FOXJ3: variants seen among roughly 807,000 people sequenced by gnomAD.
FOXJ3 encodes forkhead box J3, also known as forkhead box protein J3.
FOXJ3 carries 22 observed loss-of-function variants against 76.1 expected under a neutral mutation model. That is an observed-to-expected ratio of 0.29 (90% CI 0.21 to 0.41). FOXJ3 has a LOEUF of 0.41. Among genes scored for constraint, FOXJ3 ranks in the 10% least tolerant of loss-of-function variants. FOXJ3 has a pLI of 1.00. For synonymous variants in FOXJ3, 269 were observed against 261.2 expected (o/e 1.03, Z -0.29); for missense variants, 613 against 762.1 (o/e 0.80, Z 2.30).
rs139159704 is a variant in FOXJ3 at position 42,280,550 on chromosome 1, ATAATT to A, written c.45-1883_45-1879del. 8.6e-3 allele frequency: 4,029 copies of A among 468,922 alleles called. 148 individuals carry two copies. The highest frequency in any genetic ancestry group is 0.081 in the African/African-American group (3,767 of 46,788). 29.0% of individuals were successfully genotyped at this position (468,922 alleles called of 1,614,324 possible). A position where few individuals can be genotyped will look rare whatever the true frequency, so the allele number is the denominator to read the frequency against. ...GGGACTTGTAGAATAAGAAGATAGG[ATAATT>A]TAGAGATCACACAATGTCAAAACAG... On this transcript the variant is annotated intron_variant, in intron 2 of 12. Coordinates refer to ENST00000361346, the MANE Select transcript of FOXJ3 (RefSeq NM_014947.5).
intron 4 of FOXJ3, among the ~76,000 whole-genome samples, chr1:42,241,829 C>G (rs1009250796): frequency 6.6e-6 from 1 of 152,192 alleles, no homozygotes; most frequent in Non-Finnish European, 1.5e-5. Flanking sequence ...CAATTGGACC[C>G]ACTAACACCA....
At chr1:42,262,614 C>T (rs1371798051) in intron 4 of FOXJ3, among the ~76,000 whole-genome samples, 2 of 152,064 alleles carry the variant, frequency 1.3e-5, no homozygotes, top group African/African-American at 4.8e-5. Context: ...TTTGGGAGGC[C>T]GAGGTGGTCC....
chr1:42,325,969 C>T (rs1402172649), intron 1 of FOXJ3, among the ~76,000 whole-genome samples: 1 of 152,168 alleles, frequency 6.6e-6, no homozygotes, highest in Non-Finnish European at 1.5e-5. Context: ...CTTCAAAAGT[C>T]CCAAAATCAG....
chr1:42,192,570 T>C (rs1387578656), intron 8 of FOXJ3, among the ~76,000 whole-genome samples: 1 of 152,228 alleles, frequency 6.6e-6, no homozygotes, highest in Non-Finnish European at 1.5e-5. Context: ...GGATGAGCTC[T>C]GTAAATGTTA....
At chr1:42,318,220 A>G (rs1655234143) in intron 1 of FOXJ3, among the ~76,000 whole-genome samples, 1 of 152,238 alleles carries the variant, frequency 6.6e-6, no homozygotes, top group Non-Finnish European at 1.5e-5. Context: ...CTCAATAACC[A>G]AAAGACTAAT....
At chr1:42,255,458 T>C (rs1650509031) in intron 4 of FOXJ3, among the ~76,000 whole-genome samples, 1 of 152,138 alleles carries the variant, frequency 6.6e-6, no homozygotes, top group African/African-American at 2.4e-5. Context: ...AAAGCAACGT[T>C]AAGAACAAAA....
At chr1:42,263,927 T>C (rs1293423560) in intron 4 of FOXJ3, among the ~76,000 whole-genome samples, 1 of 134,444 alleles carries the variant, frequency 7.4e-6, no homozygotes, top group African/African-American at 2.8e-5. Flanking sequence ...ATGAGTAGGT[T>C]AACTTTTTTT....
At chr1:42,207,333 C>T (rs1646880380) in intron 5 of FOXJ3, among the ~76,000 whole-genome samples, 3 of 152,050 alleles carry the variant, frequency 2.0e-5, no homozygotes, top group African/African-American at 4.8e-5. Context: ...ATTTTTCTTC[C>T]TTTGCTAGAG....
chr1:42,328,450 G>C (rs1655969444), intron 1 of FOXJ3, among the ~76,000 whole-genome samples: 1 of 152,148 alleles, frequency 6.6e-6, no homozygotes, highest in African/African-American at 2.4e-5. Flanking sequence ...TCTTGTTACA[G>C]ACTATTTCAT....
Position 42,303,359 on chromosome 1 carries a change from G to A in FOXJ3, c.44+7691C>T, listed in dbSNP as rs140398626. Among the ~76,000 whole-genome samples the A allele has an allele frequency of 1.1e-4, 17 of 152,228 alleles. 1 individual carries two copies. Among genetic ancestry groups the A allele is most frequent in the African/African-American group, 3.9e-4 (16 of 41,534 alleles). On this transcript the variant is annotated intron_variant, in intron 2 of 12. Coordinates refer to ENST00000361346, the MANE Select transcript of FOXJ3 (RefSeq NM_014947.5). ...AACTTAAAGTGCTTAAATAATGCCT[G>A]GTCTAATAGTAAGAAGAGAGAGATG...
At chr1:42,261,372 T>C (rs910435142) in intron 4 of FOXJ3, among the ~76,000 whole-genome samples, 1 of 151,966 alleles carries the variant, frequency 6.6e-6, no homozygotes, top group African/African-American at 2.4e-5. Flanking sequence ...GCAAAGTGGA[T>C]GCAAAACTGA....
intron 1 of FOXJ3, chr1:42,323,808 T>C (rs1655571999): frequency 4.6e-6 from 2 of 433,380 alleles, no homozygotes; most frequent in East Asian, 1.6e-4. Context: ...ACTAGGTCTC[T>C]ACTGTTCCAC....
chr1:42,191,381 G>T lies in FOXJ3; in HGVS notation c.1273C>A (p.Gln425Lys). 1 of 1,604,920 alleles carries T rather than the reference G, an allele frequency of 6.2e-7. No homozygotes were observed. The highest frequency in any genetic ancestry group is 8.5e-7 in the Non-Finnish European group (1 of 1,173,146). Residue 425 changes from glutamine (Q) to lysine (K), a missense_variant, in exon 9 of 13, where the codon CAG becomes AAG. Coordinates refer to ENST00000361346, the MANE Select transcript of FOXJ3 (RefSeq NM_014947.5). ...PQHPSPHQHI[Q>K]HHPNHQHQTL... ...TGATGCTGATGGTTCGGATGGTGCT[G>T]TATGTGTTGATGTGGAGAGGGATGC...
Position 42,278,400 on chromosome 1 carries a change from T to C in FOXJ3, c.317A>G (p.Gln106Arg). The C allele has an allele frequency of 1.9e-6, 3 of 1,614,046 alleles. No homozygotes were observed. Among genetic ancestry groups the C allele is most frequent in the Non-Finnish European group, 2.5e-6 (3 of 1,179,876 alleles). ...ATATGGGAAGTTATCACAAATCCAC[T>C]GATAAATTTCACTTAAAGTCATTTT... ...KKKMTLSEIY[Q>R]WICDNFPYYR... Residue 106 changes from glutamine to arginine, a missense_variant, in exon 3 of 13, where the codon CAG becomes CGG. Gln to Arg is a conservative substitution (Grantham distance 43). Transcript: ENST00000361346.
At chr1:42,215,255 C>A (rs1647042873) in intron 5 of FOXJ3, among the ~76,000 whole-genome samples, 3 of 151,222 alleles carry the variant, frequency 2.0e-5, no homozygotes, top group East Asian at 1.9e-4. Flanking sequence ...TTAAAAAAAA[C>A]TTGAATGGAA....
intron 4 of FOXJ3, among the ~76,000 whole-genome samples, chr1:42,240,777 C>A (rs778269026): frequency 6.6e-6 from 1 of 152,180 alleles, no homozygotes; most frequent in Non-Finnish European, 1.5e-5. Context: ...AAATGTAAAT[C>A]TTTGTAACCT....
chr1:42,303,143 C>T (rs1654259233), intron 2 of FOXJ3, among the ~76,000 whole-genome samples: 1 of 152,096 alleles, frequency 6.6e-6, no homozygotes, highest in Non-Finnish European at 1.5e-5. Context: ...ACAATAAATA[C>T]TTATAGCCAA....
chr1:42,225,743 G>T (rs1037441590), intron 5 of FOXJ3, among the ~76,000 whole-genome samples: 4 of 152,134 alleles, frequency 2.6e-5, no homozygotes, highest in African/African-American at 7.2e-5. Flanking sequence ...AGTAGAAAAT[G>T]AATACAGAAA....
At chr1:42,188,545 T>TA (rs537544904) in intron 11 of FOXJ3, among the ~76,000 whole-genome samples, 192 bp downstream of exon 11, 78 of 152,314 alleles carry the variant, frequency 5.1e-4, no homozygotes, top group African/African-American at 1.8e-3. Flanking sequence ...CAGAAAAACA[T>TA]AGTCTCATTA....
Sources: gnomAD v4.1 joint callset for allele counts (sites outside exome capture counted in the v4.1 genomes callset) on GRCh38, gnomAD v4.1.1 for gene constraint, MANE v1.5 for transcripts, NCBI Gene and HGNC (gene_info 2026-07-23, HGNC 2026-07-21) for gene names.